CLIC5: variants seen among roughly 807,000 people sequenced by gnomAD.
The protein encoded by CLIC5 is CLIC family member 5.
In CLIC5, 20 loss-of-function variants were observed where a neutral mutation model predicts 24.7. That is an observed-to-expected ratio of 0.81 (90% CI 0.57 to 1.18). The LOEUF (loss-of-function observed/expected upper bound fraction) is 1.18, where lower values mean the gene tolerates loss of function less well. CLIC5 is among the 50% of genes most tolerant of loss of function. The pLI, the probability that CLIC5 is intolerant of heterozygous loss-of-function variation, is 0.00. For synonymous variants in CLIC5, 159 were observed against 135.6 expected (o/e 1.17, Z -1.20); for missense variants, 341 against 326.1 (o/e 1.05, Z -0.35).
At chr6:45,940,764 G>C (rs926917874) in intron 4 of CLIC5, among the ~76,000 whole-genome samples, 2 of 152,214 alleles carry the variant, frequency 1.3e-5, no homozygotes, top group African/African-American at 4.8e-5. Flanking sequence ...CCCCAGGTTG[G>C]CACTGCAGTG....
chr6:45,968,313 T>C (rs1765083935), intron 1 of CLIC5, among the ~76,000 whole-genome samples: 1 of 152,186 alleles, frequency 6.6e-6, no homozygotes, highest in African/African-American at 2.4e-5. Flanking sequence ...TAAGCACTTA[T>C]TCCTCCTGGG....
intron 1 of CLIC5, among the ~76,000 whole-genome samples, chr6:45,995,675 G>A (rs543263678): frequency 1.1e-4 from 16 of 152,166 alleles, no homozygotes; most frequent in African/African-American, 3.1e-4. Flanking sequence ...AATATCATAG[G>A]ATCTATAAGA....
intron 6 of CLIC5, among the ~76,000 whole-genome samples, chr6:45,889,275 G>T (rs1762329566): frequency 6.6e-6 from 1 of 152,282 alleles, no homozygotes; most frequent in South Asian, 2.1e-4. Flanking sequence ...ATGGTGGAGG[G>T]CAGAGAGAAT....
chr6:46,002,146 C>G (rs758958787), intron 1 of CLIC5, among the ~76,000 whole-genome samples: 1 of 152,152 alleles, frequency 6.6e-6, no homozygotes, highest in East Asian at 1.9e-4. Context: ...TGCGAGGACT[C>G]GATGGAATCC....
Position 45,982,916 on chromosome 6 carries a change from G to A in CLIC5, c.64-27672C>T, listed in dbSNP as rs557937889. Among the ~76,000 whole-genome samples the A allele has an allele frequency of 6.6e-5, 10 of 152,312 alleles. No individual in the cohort carries two copies. The South Asian group carries it at 2.1e-3, about 32-fold the overall frequency. ...TGGCATGAATTTGGAGTTTGTAAGA[G>A]CTGAAAAGAATAATGAGAAATCTAG... On this transcript the variant is annotated intron_variant, in intron 1 of 5. Transcript: ENST00000339561.
At chr6:46,013,974 T>C (rs1766898546) in intron 1 of CLIC5, among the ~76,000 whole-genome samples, 1 of 151,508 alleles carries the variant, frequency 6.6e-6, no homozygotes, top group Non-Finnish European at 1.5e-5. Context: ...CTACCCAGCA[T>C]CAGACGAGAA....
intron 4 of CLIC5, among the ~76,000 whole-genome samples, chr6:45,939,855 T>C (rs1281734345): frequency 6.6e-6 from 1 of 151,932 alleles, no homozygotes. Context: ...TCTTACTATG[T>C]TGCCCAGGCT....
At chr6:46,118,872 G>C in the CLIC5 span, among the ~76,000 whole-genome samples, 3 of 152,186 alleles carry the variant, frequency 2.0e-5, no homozygotes, top group Middle Eastern at 3.2e-3. Context: ...GCATAATTAA[G>C]TAAGGGTCTT....
chr6:45,954,416 G>A (rs911634047), intron 2 of CLIC5, among the ~76,000 whole-genome samples: 1 of 152,174 alleles, frequency 6.6e-6, no homozygotes, highest in Non-Finnish European at 1.5e-5. Flanking sequence ...AAACTATCTA[G>A]ATGATAGCAG....
intron 1 of CLIC5, among the ~76,000 whole-genome samples, chr6:46,035,759 T>C (rs1431311927): frequency 6.6e-6 from 1 of 152,146 alleles, no homozygotes; most frequent in South Asian, 2.1e-4. Context: ...TTTCTTTTTT[T>C]TTTTAAGATG....
intron 3 of CLIC5, among the ~76,000 whole-genome samples, chr6:45,943,906 C>T (rs545649927): frequency 6.6e-6 from 1 of 152,286 alleles, no homozygotes; most frequent in East Asian, 1.9e-4. Flanking sequence ...AGATGTTAAT[C>T]TCGCAACTTT....
chr6:45,998,416 G>C (rs1227812408), intron 1 of CLIC5, among the ~76,000 whole-genome samples: 2 of 152,152 alleles, frequency 1.3e-5, no homozygotes, highest in African/African-American at 4.8e-5. Flanking sequence ...CCAAGTGCAG[G>C]GGAAGTGAGA....
chr6:45,923,965 T>C (rs1006404112), intron 4 of CLIC5, among the ~76,000 whole-genome samples: 2 of 151,920 alleles, frequency 1.3e-5, no homozygotes, highest in Admixed American at 1.3e-4. Flanking sequence ...CCTTAGAGGG[T>C]TGCTGGGAGC....
At chr6:46,055,261 C>T (rs1288055400) in intron 1 of CLIC5, among the ~76,000 whole-genome samples, 2 of 152,200 alleles carry the variant, frequency 1.3e-5, no homozygotes, top group Non-Finnish European at 2.9e-5. Flanking sequence ...CACCAACATG[C>T]CTGGCTAATT....
chr6:45,958,422 T>TTATA (rs35922936), intron 1 of CLIC5, among the ~76,000 whole-genome samples: 111 of 8,294 alleles, frequency 0.013, no homozygotes, highest in Non-Finnish European at 0.02. Context: ...AAAAAGACAA[T>TTATA]TATATATATA....
downstream of CLIC5, among the ~76,000 whole-genome samples, chr6:45,895,200 C>A (rs533082962): frequency 1.3e-5 from 2 of 152,072 alleles, no homozygotes; most frequent in African/African-American, 4.8e-5. Context: ...AAGATGCATT[C>A]GTTTAAACCT....
At chr6:45,999,732 G>GTTTTTTTT (rs1201850451) in intron 1 of CLIC5, among the ~76,000 whole-genome samples, 11 of 50,846 alleles carry the variant, frequency 2.2e-4, no homozygotes, top group East Asian at 8.0e-4. Flanking sequence ...CTTCCTTGTG[G>GTTTTTTTT]TTTTTTTTTT....
chr6:45,911,919 A>T lies in CLIC5; in HGVS notation c.588+2309T>A, dbSNP rs531444839. ...ATGAGAACTAGGAGGGGGCCAGACAATGAATGTTCAAGCCAAACTCTCATG... is the reference window on the plus strand; with the variant it reads ...ATGAGAACTAGGAGGGGGCCAGACATTGAATGTTCAAGCCAAACTCTCATG... On this transcript the variant is annotated intron_variant, in intron 5 of 5. Transcript: ENST00000339561. The T allele has an allele frequency of 4.1e-6, 4 of 985,542 alleles. No individual in the cohort carries two copies. The East Asian group carries it at 3.4e-4, about 84-fold the overall frequency. The allele number at this position is 985,542 out of a possible 1,614,324, so 61.0% of individuals were successfully genotyped here.
At position 45,927,304 on chromosome 6, in the gene CLIC5, C is replaced by T. The variant is rs116526468; in HGVS notation, c.407-12895G>A. 6.1e-3 allele frequency among the ~76,000 whole-genome samples: 922 copies of T among 152,302 alleles called. 4 individuals are homozygous for T. The highest frequency in any genetic ancestry group is 0.02 in the African/African-American group (845 of 41,560). On this transcript the variant is annotated intron_variant, in intron 4 of 5. Transcript: ENST00000339561. Reference sequence around the variant, plus strand: ...GACAGCTGCTCAGAACCCTGTTTCTCACAGCACAGCCCTGGACCAACAGTG... The same window carrying T: ...GACAGCTGCTCAGAACCCTGTTTCTTACAGCACAGCCCTGGACCAACAGTG...
Sources: gnomAD v4.1 joint callset for allele counts (sites outside exome capture counted in the v4.1 genomes callset) on GRCh38, gnomAD v4.1.1 for gene constraint, MANE v1.5 for transcripts, NCBI Gene and HGNC (gene_info 2026-07-23, HGNC 2026-07-21) for gene names.